REDIC1: variants seen among roughly 807,000 people sequenced by gnomAD.
REDIC1 encodes HEI10 Interacting Protein 1.
chr12:39,907,904 C>T, the REDIC1 span: 3 of 151,946 alleles, frequency 2.0e-5, no homozygotes, highest in Non-Finnish European at 2.9e-5. Flanking sequence ...TCCCAACCCA[C>T]CCATTCTTTT....
chr12:39,841,482 A>T, the REDIC1 span, among the ~76,000 whole-genome samples: 1 of 152,106 alleles, frequency 6.6e-6, no homozygotes, highest in African/African-American at 2.4e-5. Context: ...CACTGAATGA[A>T]TGTTTGATCA....
At chr12:39,778,927 G>A in the REDIC1 span, among the ~76,000 whole-genome samples, 3 of 152,198 alleles carry the variant, frequency 2.0e-5, no homozygotes, top group Admixed American at 6.5e-5. Flanking sequence ...TTTAGGTTAA[G>A]AGTTTAATAA....
At chr12:39,716,722 T>C in the REDIC1 span, 1 of 1,452,452 alleles carries the variant, frequency 6.9e-7, no homozygotes, top group Non-Finnish European at 9.5e-7. Context: ...TATTCATAAA[T>C]ACCATTATTC....
chr12:39,724,094 A>C, the REDIC1 span, among the ~76,000 whole-genome samples: 2 of 152,042 alleles, frequency 1.3e-5, no homozygotes, highest in Non-Finnish European at 2.9e-5. Context: ...GCCTAGGAGG[A>C]GGCAGAGGAA....
At chr12:39,665,109 G>T in the REDIC1 span, among the ~76,000 whole-genome samples, 1 of 151,968 alleles carries the variant, frequency 6.6e-6, no homozygotes, top group Admixed American at 6.6e-5. Context: ...GGCTTTTGTT[G>T]CCATTGCTTT....
the REDIC1 span, among the ~76,000 whole-genome samples, chr12:39,740,459 G>T: frequency 3.3e-5 from 5 of 152,106 alleles, no homozygotes; most frequent in South Asian, 2.1e-4. Context: ...AAATTAATAG[G>T]AAATAGGCAT....
At chr12:39,832,071 G>A in the REDIC1 span, among the ~76,000 whole-genome samples, 1 of 152,038 alleles carries the variant, frequency 6.6e-6, no homozygotes, top group Non-Finnish European at 1.5e-5. Context: ...TGACACTTCA[G>A]CCCTAGACAA....
the REDIC1 span, among the ~76,000 whole-genome samples, chr12:39,767,655 T>C: frequency 1.3e-5 from 2 of 152,070 alleles, no homozygotes; most frequent in East Asian, 1.9e-4. Flanking sequence ...CCACCTGATA[T>C]GGTTTAGCTG....
chr12:39,852,692 G>A, the REDIC1 span, among the ~76,000 whole-genome samples: 2 of 152,158 alleles, frequency 1.3e-5, no homozygotes, highest in Non-Finnish European at 2.9e-5. Context: ...AGGAACAAAA[G>A]GATCAGAGGC....
the REDIC1 span, among the ~76,000 whole-genome samples, chr12:39,709,118 G>A: frequency 6.6e-6 from 1 of 151,536 alleles, no homozygotes; most frequent in African/African-American, 2.4e-5. Context: ...AGATTTATCT[G>A]TAGTGCTTTC....
the REDIC1 span, among the ~76,000 whole-genome samples, chr12:39,677,308 A>C: frequency 1.3e-5 from 2 of 152,156 alleles, no homozygotes; most frequent in Admixed American, 6.5e-5. Flanking sequence ...TATATCATAC[A>C]AAACAGACTT....
At chr12:39,627,231 T>C in the REDIC1 span, among the ~76,000 whole-genome samples, 3 of 152,238 alleles carry the variant, frequency 2.0e-5, no homozygotes, top group African/African-American at 4.8e-5. Flanking sequence ...CATGCACTTT[T>C]ATCCTGTTGA....
At chr12:39,795,128 G>C in the REDIC1 span, among the ~76,000 whole-genome samples, 1 of 151,782 alleles carries the variant, frequency 6.6e-6, no homozygotes, top group Admixed American at 6.6e-5. Context: ...TATCTTTCTA[G>C]AACTATCATT....
chr12:39,690,143 C>T, the REDIC1 span, among the ~76,000 whole-genome samples: 3 of 152,154 alleles, frequency 2.0e-5, no homozygotes, highest in Admixed American at 1.3e-4. Flanking sequence ...GGCTGGGTTG[C>T]ACCTGCCCAC....
At chr12:39,668,173 AC>A in the REDIC1 span, among the ~76,000 whole-genome samples, 1 of 151,910 alleles carries the variant, frequency 6.6e-6, no homozygotes, top group Non-Finnish European at 1.5e-5. Context: ...GATGGTCTTT[AC>A]AATTAGGCAT....
At chr12:39,806,873 T>C in the REDIC1 span, among the ~76,000 whole-genome samples, 1 of 152,160 alleles carries the variant, frequency 6.6e-6, no homozygotes, top group East Asian at 1.9e-4. Context: ...ATATTCATAC[T>C]ATACAATACT....
chr12:39,712,199 T>TAC, the REDIC1 span, among the ~76,000 whole-genome samples: 1 of 12,648 alleles, frequency 7.9e-5, no homozygotes, highest in Admixed American at 9.7e-4. Flanking sequence ...TGTACATACA[T>TAC]ATATACATAT....
At chr12:39,743,014 G>A in the REDIC1 span, among the ~76,000 whole-genome samples, 1 of 152,072 alleles carries the variant, frequency 6.6e-6, no homozygotes, top group African/African-American at 2.4e-5. Flanking sequence ...CACCTTCACG[G>A]ACACACTTTC....
At chr12:39,805,140 G>A in the REDIC1 span, among the ~76,000 whole-genome samples, 2 of 152,048 alleles carry the variant, frequency 1.3e-5, no homozygotes, top group Admixed American at 6.5e-5. Context: ...GCAAGGGCAG[G>A]CCAGGCCAGG....
Sources: gnomAD v4.1 joint callset for allele counts (sites outside exome capture counted in the v4.1 genomes callset) on GRCh38, gnomAD v4.1.1 for gene constraint, MANE v1.5 for transcripts, NCBI Gene and HGNC (gene_info 2026-07-23, HGNC 2026-07-21) for gene names.